Variants in SLC5A5 observed in about 807,000 individuals in gnomAD.
SLC5A5 encodes sodium/iodide cotransporter.
Under a neutral mutation model 68.6 loss-of-function variants are expected in SLC5A5, and 56 were observed. That is an observed-to-expected ratio of 0.82 (90% CI 0.66 to 1.02). The LOEUF is 1.02. Ranked by LOEUF, SLC5A5 falls within the 50% of genes least tolerant of loss-of-function variation. The pLI, the probability that SLC5A5 is intolerant of heterozygous loss-of-function variation, is 0.00. For missense variants in SLC5A5, 807 were observed against 859.8 expected (o/e 0.94, Z 0.77); for synonymous variants, 398 against 373.0 (o/e 1.07, Z -0.77).
intron 8 of SLC5A5, 117 bp from the exon 9 acceptor site, chr19:17,881,843 T>C: frequency 2.6e-6 from 2 of 762,694 alleles, no homozygotes; most frequent in African/African-American, 3.4e-5. Context: ...TCCTTCACCT[T>C]TGCAGGACTG....
intron 7 of SLC5A5, 106 bp downstream of exon 7, chr19:17,878,199 A>G: frequency 7.4e-7 from 1 of 1,352,698 alleles, no homozygotes; most frequent in Non-Finnish European, 1.0e-6. Context: ...TGCAAAGGCC[A>G]AGAAGTAGGA....
At position 17,893,803 on chromosome 19, in the gene SLC5A5, C is replaced by G. The variant is rs565669660; in HGVS notation, c.1858C>G (p.Leu620Val). ...DRLFFLGQKE[L>V]EGAGSWTPCV... Reference sequence around the variant, plus strand: ...TCTGTTTTTCTTGGGGCAGAAGGAGCTGGAGGGGGCTGGCTCTTGGACCCC... The same window carrying G: ...TCTGTTTTTCTTGGGGCAGAAGGAGGTGGAGGGGGCTGGCTCTTGGACCCC... The change falls in exon 15 of 15, where the codon CTG becomes GTG. Residue 620 changes from leucine to valine, a missense_variant. Coordinates refer to ENST00000222248, the MANE Select transcript of SLC5A5 (RefSeq NM_000453.3). 4 of 1,608,256 alleles carry G rather than the reference C, an allele frequency of 2.5e-6. No individual in the cohort carries two copies. In the South Asian group the frequency reaches 4.4e-5, roughly 18 times the overall value.
chr19:17,877,630 C>T (rs2094310456), intron 5 of SLC5A5, 93 bp from the exon 6 acceptor site: 1 of 1,502,388 alleles, frequency 6.7e-7, no homozygotes, highest in Non-Finnish European at 9.1e-7. Context: ...TCCAAATGTC[C>T]CCTATAAGGT....
intron 10 of SLC5A5, 121 bp from the exon 11 acceptor site, chr19:17,883,560 A>T: frequency 1.2e-6 from 1 of 834,992 alleles, no homozygotes. Flanking sequence ...AAACTGAGAC[A>T]CAGAGGAGTC....
Position 17,874,521 on chromosome 19 carries a change from G to T in SLC5A5, c.451G>T (p.Ala151Ser). Residue 151 changes from alanine (A) to serine (S), a missense_variant, in exon 3 of 15, where the codon GCA becomes TCA. Physicochemically the swap from Ala to Ser is moderately conservative, Grantham distance 99. Transcript: ENST00000222248. Reference sequence around the variant, plus strand: ...GCTGTACACCGGCATCGTAATCTACGCACCGGCCCTCATCCTGAACCAAGG... The same window carrying T: ...GCTGTACACCGGCATCGTAATCTACTCACCGGCCCTCATCCTGAACCAAGG... ...TMLYTGIVIY[A>S]PALILNQVTG... is the part of the protein sequence containing the mutation. 2 of 1,613,830 alleles carry T rather than the reference G, an allele frequency of 1.2e-6. No individual in the cohort carries two copies. The highest frequency in any genetic ancestry group is 1.1e-5 in the South Asian group (1 of 91,066).
rs769235883 is a variant in SLC5A5 at position 17,892,293 on chromosome 19, G to A, written c.1767+1292G>A. Reference sequence around the variant, plus strand: ...AGCCTGGGTGACAGAGCAAGACTTCGTCAAAAAGATAGGAAAGCAGGAAGG... The same window carrying A: ...AGCCTGGGTGACAGAGCAAGACTTCATCAAAAAGATAGGAAAGCAGGAAGG... On this transcript the variant is annotated intron_variant, in intron 14 of 14. Transcript: ENST00000222248. 5.7e-5 allele frequency among the ~76,000 whole-genome samples: 8 copies of A among 140,936 alleles called. No homozygotes were observed. In the East Asian group the frequency reaches 7.4e-4, roughly 13 times the overall value. 92.5% of individuals were successfully genotyped at this position (140,936 alleles called of 152,430 possible).
chr19:17,874,841 G>A, intron 4 of SLC5A5, 110 bp downstream of exon 4: 1 of 996,194 alleles, frequency 1.0e-6, no homozygotes, highest in South Asian at 1.3e-5. Context: ...GTCCCAGCTG[G>A]GACCCAGTGT....
At chr19:17,893,606 C>G (rs1051040481) in intron 14 of SLC5A5, 107 bp from the exon 15 acceptor site, 10 of 1,114,352 alleles carry the variant, frequency 9.0e-6, no homozygotes, top group Non-Finnish European at 1.3e-5. Flanking sequence ...ATTCTGTGCA[C>G]GCCCCGTCCC....
rs10651875 is a variant in SLC5A5 at position 17,888,588 on chromosome 19, CTTATTA to C, written c.1651+159_1651+164del. On this transcript the variant is annotated intron_variant, in intron 13 of 14. Transcript: ENST00000222248. ...CACTGTGTGCTGTACACATTTGTACCTTATTATTATTATTATTATTATTATTATTAT... is the reference window on the plus strand; with the variant it reads ...CACTGTGTGCTGTACACATTTGTACCTTATTATTATTATTATTATTATTAT... 1,214 of 469,164 alleles carry C rather than the reference CTTATTA, an allele frequency of 2.6e-3. 19 individuals are homozygous for C. Among genetic ancestry groups the C allele is most frequent in the Non-Finnish European group, 3.4e-3 (913 of 270,078 alleles). The allele number at this position is 469,164 out of a possible 1,614,324, so 29.1% of individuals were successfully genotyped here.
chr19:17,874,364 C>A, intron 2 of SLC5A5, 130 bp from the exon 3 acceptor site: 1 of 1,038,956 alleles, frequency 9.6e-7, no homozygotes. Flanking sequence ...CGGCCTGACC[C>A]CGCCTGCACT....
chr19:17,889,688 C>T lies in SLC5A5; in HGVS notation c.1652-1198C>T, dbSNP rs77864112. ...TTGCTTTCTTGACAACCCTGCACCT[C>T]TCAGAGCTTGCCCTATTTTGCAGAG... On this transcript the variant is annotated intron_variant, in intron 13 of 14. Coordinates refer to ENST00000222248, the MANE Select transcript of SLC5A5 (RefSeq NM_000453.3). 5.0e-3 allele frequency among the ~76,000 whole-genome samples: 769 copies of T among 152,348 alleles called. 6 individuals are homozygous for T. Among genetic ancestry groups the T allele is most frequent in the Non-Finnish European group, 9.2e-3 (627 of 68,032 alleles).
At position 17,877,961 on chromosome 19, in the gene SLC5A5, C is replaced by G. The variant is rs373498580; in HGVS notation, c.840-3C>G. The stretch of plus-strand genomic sequence containing the variant: ...CTAAGCCTGAGGCTGCCTCTTCCCC[C>G]AGGGCCCTGCTCATCAACCAGGTCG... On this transcript the variant is annotated splice_region_variant and splice_polypyrimidine_tract_variant and intron_variant, in intron 6 of 14. Coordinates refer to ENST00000222248, the MANE Select transcript of SLC5A5 (RefSeq NM_000453.3). 3 of 1,613,642 alleles carry G rather than the reference C, an allele frequency of 1.9e-6. No homozygotes were observed. The highest frequency in any genetic ancestry group is 2.5e-6 in the Non-Finnish European group (3 of 1,180,038).
chr19:17,885,716 G>A (rs2094331677), intron 12 of SLC5A5, among the ~76,000 whole-genome samples: 1 of 151,906 alleles, frequency 6.6e-6, no homozygotes, highest in South Asian at 2.1e-4. Flanking sequence ...AAGAAGCCCT[G>A]TCCCCATCAG....
intron 5 of SLC5A5, among the ~76,000 whole-genome samples, 197 bp from the exon 6 acceptor site, chr19:17,877,526 C>A (rs948679099): frequency 1.3e-5 from 2 of 152,098 alleles, no homozygotes; most frequent in Non-Finnish European, 1.5e-5. Context: ...CCAGGCTGGC[C>A]TTGAACTGTG....
chr19:17,874,273 C>T (rs1686159172), intron 2 of SLC5A5, 70 bp downstream of exon 2: 1 of 1,124,532 alleles, frequency 8.9e-7, no homozygotes, highest in African/African-American at 1.5e-5. Flanking sequence ...CCGGCCCCCA[C>T]CATTCAAGAC....
chr19:17,880,032 G>A (rs868020537), intron 7 of SLC5A5, among the ~76,000 whole-genome samples: 1 of 151,556 alleles, frequency 6.6e-6, no homozygotes, highest in Non-Finnish European at 1.5e-5. Context: ...CCGAGTAGCT[G>A]GGATGACAGG....
Position 17,883,975 on chromosome 19 carries a change from T to C in SLC5A5, c.1455T>C (p.Ala485=). Reference sequence around the variant, plus strand: ...CATCGTCGGCTGCCCGCTGCGTGGCTCTCTCAGTCAACGCCTCTGGCCTCC... The same window carrying C: ...CATCGTCGGCTGCCCGCTGCGTGGCCCTCTCAGTCAACGCCTCTGGCCTCC... The part of the protein sequence containing the change: ...VLPSSAARCV[A]LSVNASGLLD... Residue 485 remains alanine, a synonymous_variant, in exon 12 of 15, where the codon GCT becomes GCC. Coordinates refer to ENST00000222248, the MANE Select transcript of SLC5A5 (RefSeq NM_000453.3). The C allele has an allele frequency of 6.4e-7, 1 of 1,568,460 alleles. No homozygotes were observed. Among genetic ancestry groups the C allele is most frequent in the Non-Finnish European group, 8.6e-7 (1 of 1,158,296 alleles).
At chr19:17,874,233 A>G (rs1161676262) in intron 2 of SLC5A5, 30 bp downstream of exon 2, 2 of 1,513,810 alleles carry the variant, frequency 1.3e-6, no homozygotes, top group East Asian at 4.5e-5. Flanking sequence ...CCCTCCGCTC[A>G]GGGCCCCGAG....
chr19:17,888,091 G>A (rs1384816882), intron 12 of SLC5A5, among the ~76,000 whole-genome samples: 2 of 152,122 alleles, frequency 1.3e-5, no homozygotes, highest in African/African-American at 4.8e-5. Context: ...AGCAGCAGGT[G>A]ATCTGAGTTA....
Sources: gnomAD v4.1 joint callset for allele counts (sites outside exome capture counted in the v4.1 genomes callset) on GRCh38, gnomAD v4.1.1 for gene constraint, MANE v1.5 for transcripts, NCBI Gene and HGNC (gene_info 2026-07-23, HGNC 2026-07-21) for gene names.